The following GALNT1 variants were observed in gnomAD, a reference collection of about 807,000 sequenced individuals.
GALNT1 encodes the protein polypeptide N-acetylgalactosaminyltransferase 1, also known as GalNAc transferase 1.
Under a neutral mutation model 65.7 loss-of-function variants are expected in GALNT1, and 17 were observed. The ratio of observed to expected loss-of-function variants is 0.26; its 90% CI spans 0.18 to 0.39. GALNT1 has a LOEUF of 0.39. Ranked by LOEUF, GALNT1 falls within the 10% of genes least tolerant of loss-of-function variation. The pLI is 1.00. For synonymous variants in GALNT1, 210 were observed against 219.7 expected, an observed-to-expected ratio of 0.96 and a Z score of 0.39; for missense variants, 460 against 672.8, an observed-to-expected ratio of 0.68 and a Z score of 3.50.
At chr18:35,700,742 C>G (rs2048147905) in intron 9 of GALNT1, among the ~76,000 whole-genome samples, 1 of 152,158 alleles carries the variant, frequency 6.6e-6, no homozygotes, top group Non-Finnish European at 1.5e-5. Context: ...CTCGGCCTCC[C>G]AAAGTGCTAG....
chr18:35,605,748 G>A (rs1176968507), intron 1 of GALNT1, among the ~76,000 whole-genome samples: 1 of 151,980 alleles, frequency 6.6e-6, no homozygotes, highest in Admixed American at 6.6e-5. Flanking sequence ...CATTTTGATA[G>A]CCTTAAAATC....
At chr18:35,616,339 G>A (rs2046783246) in intron 1 of GALNT1, among the ~76,000 whole-genome samples, 1 of 152,138 alleles carries the variant, frequency 6.6e-6, no homozygotes, top group South Asian at 2.1e-4. Context: ...CTATCTGTAA[G>A]ATGGTGTGCA....
At chr18:35,691,848 C>G (rs1310501698) in intron 8 of GALNT1, among the ~76,000 whole-genome samples, 5 of 152,174 alleles carry the variant, frequency 3.3e-5, no homozygotes, top group African/African-American at 1.2e-4. Flanking sequence ...TGAGAGAAGC[C>G]TGACTGCAAA....
intron 1 of GALNT1, among the ~76,000 whole-genome samples, chr18:35,618,915 T>C (rs967413962): frequency 2.0e-5 from 3 of 152,126 alleles, no homozygotes; most frequent in Non-Finnish European, 4.4e-5. Context: ...AGGCAGAGAA[T>C]AGCTTTTCAC....
At chr18:35,686,877 C>A in intron 5 of GALNT1, 139 bp from the exon 6 acceptor site, 1 of 709,728 alleles carries the variant, frequency 1.4e-6, no homozygotes, top group South Asian at 2.5e-5. Flanking sequence ...TGCATTCCAG[C>A]CTGGGTGGTG....
chr18:35,589,110 C>T (rs894616011), intron 1 of GALNT1, among the ~76,000 whole-genome samples: 6 of 152,120 alleles, frequency 3.9e-5, no homozygotes, highest in Admixed American at 3.9e-4. Flanking sequence ...CTAGTGATCA[C>T]TAGAGGAAAT....
At chr18:35,695,299 CTT>C (rs2048037740) in intron 9 of GALNT1, among the ~76,000 whole-genome samples, 2 of 151,894 alleles carry the variant, frequency 1.3e-5, no homozygotes, top group African/African-American at 4.8e-5. Flanking sequence ...GAGGTCATCT[CTT>C]ATCATGGGGA....
chr18:35,672,367 A>C (rs2047649378), intron 3 of GALNT1, among the ~76,000 whole-genome samples: 1 of 152,188 alleles, frequency 6.6e-6, no homozygotes, highest in Non-Finnish European at 1.5e-5. Flanking sequence ...GCCAAGTGGT[A>C]AATATTAGAT....
chr18:35,615,135 C>G (rs2046767174), intron 1 of GALNT1, among the ~76,000 whole-genome samples: 1 of 151,746 alleles, frequency 6.6e-6, no homozygotes, highest in Admixed American at 6.6e-5. Flanking sequence ...TTTGGAAATA[C>G]AAAGGGTCAA....
intron 9 of GALNT1, among the ~76,000 whole-genome samples, chr18:35,695,231 G>A (rs1270137455): frequency 6.6e-6 from 1 of 151,938 alleles, no homozygotes; most frequent in Admixed American, 6.6e-5. Flanking sequence ...GTATTTGGGT[G>A]GATAGGAGGT....
chr18:35,590,522 T>C (rs2046430732), intron 1 of GALNT1, among the ~76,000 whole-genome samples: 1 of 152,202 alleles, frequency 6.6e-6, no homozygotes, highest in Non-Finnish European at 1.5e-5. Flanking sequence ...TGACTTCTCA[T>C]TGAAAAAAGA....
At chr18:35,697,070 A>G in intron 9 of GALNT1, among the ~76,000 whole-genome samples, 1 of 152,226 alleles carries the variant, frequency 6.6e-6, no homozygotes, top group East Asian at 1.9e-4. Context: ...TTAAAGTGGC[A>G]GTCAGGTACA....
At chr18:35,667,428 T>C (rs1404229508) in intron 3 of GALNT1, among the ~76,000 whole-genome samples, 1 of 152,140 alleles carries the variant, frequency 6.6e-6, no homozygotes, top group Non-Finnish European at 1.5e-5. Context: ...TATTTCAATA[T>C]GTAGCTCTGA....
chr18:35,676,253 A>G (rs2144562372), intron 3 of GALNT1, among the ~76,000 whole-genome samples: 1 of 152,232 alleles, frequency 6.6e-6, no homozygotes, highest in South Asian at 2.1e-4. Flanking sequence ...TACTGTTAGT[A>G]GGAGACGGAG....
intron 1 of GALNT1, among the ~76,000 whole-genome samples, chr18:35,604,346 A>G (rs1423352513): frequency 6.6e-6 from 1 of 152,072 alleles, no homozygotes; most frequent in Non-Finnish European, 1.5e-5. Flanking sequence ...GATTGATTTC[A>G]TGTCTTTGCT....
intron 1 of GALNT1, among the ~76,000 whole-genome samples, chr18:35,635,165 T>C (rs904589443): frequency 6.6e-6 from 1 of 152,134 alleles, no homozygotes; most frequent in Admixed American, 6.6e-5. Flanking sequence ...AGGCATAGGC[T>C]TCCAGGTCCT....
intron 1 of GALNT1, chr18:35,597,427 C>T (rs2046519025): frequency 6.6e-6 from 1 of 152,156 alleles, no homozygotes; most frequent in Non-Finnish European, 1.5e-5. Flanking sequence ...CCTCCAGACC[C>T]CTTGTCAACA....
At chr18:35,580,959 C>T (rs2046304578), upstream of GALNT1, among the ~76,000 whole-genome samples, 1 of 152,176 alleles carries the variant, frequency 6.6e-6, no homozygotes, top group East Asian at 1.9e-4. Flanking sequence ...TTGCTGCCCC[C>T]GAGACCCGGG....
chr18:35,597,441 A>G (rs2046519308), intron 1 of GALNT1: 1 of 152,208 alleles, frequency 6.6e-6, no homozygotes, highest in South Asian at 2.1e-4. Context: ...GTCAACATTA[A>G]ATAACTTAAT....
Sources: gnomAD v4.1 joint callset for allele counts (sites outside exome capture counted in the v4.1 genomes callset) on GRCh38, gnomAD v4.1.1 for gene constraint, MANE v1.5 for transcripts, NCBI Gene and HGNC (gene_info 2026-07-23, HGNC 2026-07-21) for gene names.